SCMH1: variants seen among roughly 807,000 people sequenced by gnomAD.
SCMH1 encodes Scm polycomb group protein homolog 1.
Under a neutral mutation model 70.8 loss-of-function variants are expected in SCMH1, and 37 were observed. The observed-to-expected ratio is 0.52, with a 90% confidence interval of 0.40 to 0.69. SCMH1 has a LOEUF of 0.69. Among genes scored for constraint, SCMH1 ranks in the 30% least tolerant of loss-of-function variants. The probability of loss-of-function intolerance (pLI) is 0.00; values close to 1 mark genes in which losing one functional copy is unlikely to be tolerated. For missense variants in SCMH1, 607 were observed against 827.3 expected (o/e 0.73, Z 3.27); for synonymous variants, 292 against 307.4 (o/e 0.95, Z 0.52).
intron 6 of SCMH1, 48 bp from the exon 7 acceptor site, chr1:41,117,058 G>T: frequency 6.5e-7 from 1 of 1,539,534 alleles, no homozygotes; most frequent in Non-Finnish European, 8.8e-7. Context: ...TTTCAAAAAT[G>T]AATGGTGATG....
intron 2 of SCMH1, among the ~76,000 whole-genome samples, chr1:41,179,818 T>G (rs2148588111): frequency 6.6e-6 from 1 of 152,338 alleles, no homozygotes; most frequent in East Asian, 1.9e-4. Flanking sequence ...CTTCTGAAAC[T>G]ATTCCAATCA....
chr1:41,136,182 G>A (rs1572487691), intron 6 of SCMH1, among the ~76,000 whole-genome samples: 3 of 152,134 alleles, frequency 2.0e-5, no homozygotes, highest in Admixed American at 2.0e-4. Context: ...CTGAGCTCAA[G>A]CAATCTGTCT....
intron 5 of SCMH1, among the ~76,000 whole-genome samples, chr1:41,144,838 T>C (rs1644407134): frequency 6.6e-6 from 1 of 152,204 alleles, no homozygotes. Context: ...GATTAGCATT[T>C]CTCTAATGAC....
At chr1:41,091,793 A>C (rs1452976192) in intron 8 of SCMH1, among the ~76,000 whole-genome samples, 1 of 152,200 alleles carries the variant, frequency 6.6e-6, no homozygotes, top group African/African-American at 2.4e-5. Context: ...AGAATAAAAT[A>C]CCTAGGAATC....
intron 11 of SCMH1, among the ~76,000 whole-genome samples, chr1:41,047,863 C>A (rs1350749517): frequency 1.3e-5 from 2 of 152,188 alleles, no homozygotes; most frequent in Non-Finnish European, 2.9e-5. Flanking sequence ...TGGTATGGAG[C>A]CTAAGCTGTC....
intron 8 of SCMH1, among the ~76,000 whole-genome samples, chr1:41,094,107 G>C (rs1402417641): frequency 6.6e-6 from 1 of 152,156 alleles, no homozygotes; most frequent in African/African-American, 2.4e-5. Flanking sequence ...AATTGCACTA[G>C]TCATACTTCT....
chr1:41,131,642 T>G (rs1390830924), intron 6 of SCMH1, among the ~76,000 whole-genome samples: 1 of 152,186 alleles, frequency 6.6e-6, no homozygotes, highest in African/African-American at 2.4e-5. Flanking sequence ...CCATGTTGGT[T>G]TGCTGCACCC....
At chr1:41,139,279 T>C (rs1190828217) in intron 6 of SCMH1, among the ~76,000 whole-genome samples, 1 of 152,208 alleles carries the variant, frequency 6.6e-6, no homozygotes, top group Non-Finnish European at 1.5e-5. Context: ...TTTGGCTCTG[T>C]TAGGCCCCCA....
At chr1:41,121,478 A>T (rs777079331) in intron 6 of SCMH1, among the ~76,000 whole-genome samples, 2 of 152,206 alleles carry the variant, frequency 1.3e-5, no homozygotes, top group Non-Finnish European at 2.9e-5. Flanking sequence ...AGATGAAAAC[A>T]GTAATTTGAG....
At chr1:41,120,233 G>A (rs1671588261) in intron 6 of SCMH1, among the ~76,000 whole-genome samples, 1 of 152,114 alleles carries the variant, frequency 6.6e-6, no homozygotes, top group Non-Finnish European at 1.5e-5. Flanking sequence ...TATCTCATCT[G>A]AAGCTTAAGG....
chr1:41,153,040 T>G (rs2300646), intron 4 of SCMH1, among the ~76,000 whole-genome samples: 11,895 of 152,328 alleles, frequency 0.078, 600 homozygotes, highest in South Asian at 0.13. Flanking sequence ...TTGCTTCTAG[T>G]TGACAGGGCC....
chr1:41,154,145 T>C (rs1386657582), intron 4 of SCMH1, among the ~76,000 whole-genome samples: 1 of 152,244 alleles, frequency 6.6e-6, no homozygotes, highest in Non-Finnish European at 1.5e-5. Flanking sequence ...ACCTCTGGTA[T>C]AAATCATTGA....
chr1:41,230,091 G>A (rs1342497402), intron 1 of SCMH1, among the ~76,000 whole-genome samples: 1 of 152,140 alleles, frequency 6.6e-6, no homozygotes, highest in Non-Finnish European at 1.5e-5. Flanking sequence ...TAGACCACAA[G>A]GGAAAATATC....
chr1:41,148,679 C>T (rs1230814559), intron 5 of SCMH1, among the ~76,000 whole-genome samples: 1 of 152,116 alleles, frequency 6.6e-6, no homozygotes, highest in African/African-American at 2.4e-5. Flanking sequence ...TGAGTTTTCT[C>T]TATCAATGGT....
intron 8 of SCMH1, 104 bp from the exon 9 acceptor site, chr1:41,075,555 C>A: frequency 1.1e-6 from 1 of 912,442 alleles, no homozygotes; most frequent in Non-Finnish European, 1.7e-6. Context: ...AGTTTTGTTC[C>A]AAGAAGCTGG....
At chr1:41,137,017 G>A (rs1337257873) in intron 6 of SCMH1, among the ~76,000 whole-genome samples, 2 of 152,050 alleles carry the variant, frequency 1.3e-5, no homozygotes, top group East Asian at 3.9e-4. Context: ...TAGCCTCAAA[G>A]TGATCCTCTT....
chr1:41,113,100 A>G lies in SCMH1; in HGVS notation c.745+183T>C, dbSNP rs1288881090. ...AATGCCATATGCGGTTTCATTTGAC[A>G]CTTAATACTTAACTGTTTCTAATTG... On this transcript the variant is annotated intron_variant, in intron 8 of 14. Coordinates refer to ENST00000337495, the Ensembl canonical transcript of SCMH1. The surrounding 1 kb of genome is among the most constrained non-coding windows in gnomAD (Gnocchi z 4.3). 6.6e-6 allele frequency among the ~76,000 whole-genome samples: 1 copy of G among 152,186 alleles called. No homozygotes were observed. Among genetic ancestry groups the G allele is most frequent in the East Asian group, 1.9e-4 (1 of 5,192 alleles).
chr1:41,085,835 CTGCT>C (rs1661461416), intron 8 of SCMH1, among the ~76,000 whole-genome samples: 12 of 140,390 alleles, frequency 8.5e-5, no homozygotes. Flanking sequence ...TTAATTTCAC[CTGCT>C]TTTTTTTTTT....
At chr1:41,228,605 A>T (rs1403152294) in intron 1 of SCMH1, among the ~76,000 whole-genome samples, 1 of 151,634 alleles carries the variant, frequency 6.6e-6, no homozygotes, top group Non-Finnish European at 1.5e-5. Context: ...CAACATGGTG[A>T]GACCCCATTT....
Sources: gnomAD v4.1 joint callset for allele counts (sites outside exome capture counted in the v4.1 genomes callset) on GRCh38, gnomAD v4.1.1 for gene constraint, Gnocchi (gnomAD v3.1) non-coding constraint, MANE v1.5 for transcripts, NCBI Gene and HGNC (gene_info 2026-07-23, HGNC 2026-07-21) for gene names.